The following EFR3B variants were observed in gnomAD, a reference collection of about 807,000 sequenced individuals.
The protein encoded by EFR3B is protein EFR3 homolog B.
A neutral mutation model predicts 104.7 loss-of-function variants in EFR3B; 64 were observed. The ratio of observed to expected loss-of-function variants is 0.61; its 90% CI spans 0.50 to 0.75. The LOEUF is 0.75. Among genes scored for constraint, EFR3B ranks in the 30% least tolerant of loss-of-function variants. The pLI is 0.00. For synonymous variants in EFR3B, 385 were observed against 417.9 expected (o/e 0.92, Z 0.96); for missense variants, 750 against 1,078.5 (o/e 0.70, Z 4.27).
At chr2:25,084,860 T>C (rs2149181390) in intron 1 of EFR3B, among the ~76,000 whole-genome samples, 1 of 152,324 alleles carries the variant, frequency 6.6e-6, no homozygotes, top group Non-Finnish European at 1.5e-5. Context: ...TATACATTTA[T>C]CTCAGTGAGC....
intron 4 of EFR3B, among the ~76,000 whole-genome samples, chr2:25,118,568 A>G (rs1669926012): frequency 6.6e-6 from 1 of 152,000 alleles, no homozygotes; most frequent in South Asian, 2.1e-4. Flanking sequence ...AGAGGAAAGA[A>G]AGTGGCAACT....
chr2:25,082,015 C>CA (rs1192188077), intron 1 of EFR3B, among the ~76,000 whole-genome samples: 4 of 152,160 alleles, frequency 2.6e-5, no homozygotes, highest in Non-Finnish European at 5.9e-5. Context: ...GCAAGCAGGC[C>CA]AAAGGAGAAA....
intron 1 of EFR3B, among the ~76,000 whole-genome samples, chr2:25,066,040 A>G (rs1668328489): frequency 6.6e-6 from 1 of 152,142 alleles, no homozygotes; most frequent in Non-Finnish European, 1.5e-5. Flanking sequence ...GCTAGTCAGA[A>G]GCCTCTGCTT....
At chr2:25,082,398 G>C (rs1668834138) in intron 1 of EFR3B, among the ~76,000 whole-genome samples, 2 of 152,180 alleles carry the variant, frequency 1.3e-5, no homozygotes, top group African/African-American at 4.8e-5. Context: ...CCTGGAGAGA[G>C]ACTGGTCCCA....
intron 19 of EFR3B, chr2:25,146,627 T>C (rs1438526928): frequency 2.6e-5 from 4 of 152,192 alleles, no homozygotes; most frequent in Admixed American, 2.6e-4. Context: ...GGCGAAATGC[T>C]TACACAGCTA....
chr2:25,140,129 A>G (rs1291933571), intron 16 of EFR3B, among the ~76,000 whole-genome samples: 2 of 152,150 alleles, frequency 1.3e-5, no homozygotes, highest in East Asian at 1.9e-4. Context: ...CCTGGGCAAC[A>G]TGGTGAACCC....
chr2:25,103,451 C>G (rs1412122750), intron 3 of EFR3B, among the ~76,000 whole-genome samples, 186 bp from the exon 4 acceptor site: 1 of 152,240 alleles, frequency 6.6e-6, no homozygotes, highest in Non-Finnish European at 1.5e-5. Flanking sequence ...CTAATTCATT[C>G]TGACTCAGTT....
chr2:25,148,722 A>T (rs1202751000), intron 19 of EFR3B, among the ~76,000 whole-genome samples: 3 of 149,910 alleles, frequency 2.0e-5, no homozygotes, highest in Non-Finnish European at 4.5e-5. Flanking sequence ...GGAGATCGAG[A>T]CCATCCCGGC....
At chr2:25,070,355 G>C (rs1032738730) in intron 1 of EFR3B, among the ~76,000 whole-genome samples, 1 of 152,054 alleles carries the variant, frequency 6.6e-6, no homozygotes, top group Non-Finnish European at 1.5e-5. Context: ...TCCGCCTCCC[G>C]GGTTCAAGCA....
At position 25,078,958 on chromosome 2, in the gene EFR3B, C is replaced by A. The variant is rs115279480; in HGVS notation, c.8-12367C>A. Among the ~76,000 whole-genome samples, 678 of 152,228 alleles carry A rather than the reference C, an allele frequency of 4.5e-3. 2 individuals are homozygous for A. The highest frequency in any genetic ancestry group is 7.8e-3 in the Non-Finnish European group (531 of 68,020). On this transcript the variant is annotated intron_variant, in intron 1 of 22. Transcript: ENST00000403714. ...TCACTGCCACGAGACTGCGTGGCTC[C>A]CCTAATCTGCTCTGCTTCCGACCTC... is the stretch of plus-strand genomic sequence containing the variant.
chr2:25,122,532 C>G (rs917088439), intron 5 of EFR3B, among the ~76,000 whole-genome samples: 2 of 152,072 alleles, frequency 1.3e-5, no homozygotes, highest in South Asian at 2.1e-4. Context: ...TTCTCCACTC[C>G]ATCTCCTTGG....
intron 1 of EFR3B, among the ~76,000 whole-genome samples, chr2:25,049,896 C>T (rs571255693): frequency 7.3e-5 from 11 of 150,012 alleles, no homozygotes; most frequent in Admixed American, 4.0e-4. Context: ...GGGTGGATCA[C>T]CTGAGGTCAG....
At position 25,151,965 on chromosome 2, in the gene EFR3B, TGGA is replaced by T. The variant is rs771034820; in HGVS notation, c.2245_2247del (p.Glu749del). 2 of 1,551,510 alleles carry T rather than the reference TGGA, an allele frequency of 1.3e-6. No homozygotes were observed. The highest frequency in any genetic ancestry group is 2.4e-5 in the South Asian group (2 of 84,060). ...GAGCGTGAGCGGCGGCGGCAGGTGG[TGGA>T]GAAGTTCCAGAAGGCACCCTTCGAG... is the stretch of plus-strand genomic sequence containing the variant. On this transcript the variant is annotated inframe_deletion, in exon 21 of 23. Transcript: ENST00000403714.
chr2:25,080,343 G>A, intron 1 of EFR3B: 1 of 570,552 alleles, frequency 1.8e-6, no homozygotes, highest in Admixed American at 3.7e-5. Flanking sequence ...CGTCCAGGCT[G>A]GAGTGCAGTG....
rs1485324586 is a variant in EFR3B at position 25,103,877 on chromosome 2, G to T, written c.363+90G>T. On this transcript the variant is annotated intron_variant, in intron 4 of 22. Coordinates refer to ENST00000403714, the MANE Select transcript of EFR3B (RefSeq NM_014971.2). ...GAGACCTCGGGGTCGGCACTGTCAT[G>T]TTCTGTTCCTTCTTGGTTCCCAACC... The T allele has an allele frequency of 3.7e-5, 54 of 1,470,004 alleles. 2 individuals carry two copies. In the South Asian group the frequency reaches 7.1e-4, roughly 19 times the overall value. The allele number at this position is 1,470,004 out of a possible 1,614,324, so 91.1% of individuals were successfully genotyped here. A position where few individuals can be genotyped will look rare whatever the true frequency, so the allele number is the denominator to read the frequency against.
intron 1 of EFR3B, among the ~76,000 whole-genome samples, chr2:25,072,599 C>G (rs946323433): frequency 2.0e-5 from 3 of 152,146 alleles, no homozygotes; most frequent in African/African-American, 7.2e-5. Flanking sequence ...TTTCTTATGC[C>G]TTGACTTCTG....
intron 4 of EFR3B, among the ~76,000 whole-genome samples, chr2:25,118,676 T>A (rs1223494249): frequency 8.2e-6 from 1 of 122,512 alleles, no homozygotes; most frequent in African/African-American, 3.2e-5. Flanking sequence ...GATTGCTTGA[T>A]CCCAGGAGTT....
At chr2:25,103,500 A>T in intron 3 of EFR3B, 137 bp from the exon 4 acceptor site, 7 of 1,209,720 alleles carry the variant, frequency 5.8e-6, no homozygotes, top group Non-Finnish European at 4.5e-6. Flanking sequence ...GGCTATCCAG[A>T]CGTTGGCAGC....
chr2:25,112,253 C>T (rs1473734290), intron 4 of EFR3B, among the ~76,000 whole-genome samples: 1 of 152,262 alleles, frequency 6.6e-6, no homozygotes, highest in African/African-American at 2.4e-5. Flanking sequence ...GGGACAGGCT[C>T]TGAGAGCAGA....
Sources: allele counts gnomAD v4.1 joint callset (sites outside exome capture counted in the v4.1 genomes callset), GRCh38; gene constraint gnomAD v4.1.1; transcripts MANE v1.5; gene names NCBI Gene and HGNC (gene_info 2026-07-23, HGNC 2026-07-21).